Variants in FAM227B observed in about 807,000 individuals in gnomAD.
FAM227B encodes family with sequence similarity 227 member B.
Under a neutral mutation model 73.8 loss-of-function variants are expected in FAM227B, and 88 were observed. The ratio of observed to expected loss-of-function variants is 1.19; its 90% CI spans 1.00 to 1.42. The LOEUF is 1.42. FAM227B is among the 40% of genes most tolerant of loss of function. The pLI, the probability that FAM227B is intolerant of heterozygous loss-of-function variation, is 0.00. For missense variants in FAM227B, 632 were observed against 590.9 expected (o/e 1.07, Z -0.72); for synonymous variants, 210 against 190.5 (o/e 1.10, Z -0.84).
intron 10 of FAM227B, among the ~76,000 whole-genome samples, chr15:49,518,531 G>A (rs138895777): frequency 6.5e-4 from 99 of 152,194 alleles, no homozygotes; most frequent in African/African-American, 2.1e-3. Context: ...TGGGGAGGCC[G>A]CACAATCATG....
At chr15:49,536,072 C>CAAAAAAAAAAAAAAAAAAAAAAAAAA (rs59203003) in intron 10 of FAM227B, among the ~76,000 whole-genome samples, 5 of 114,012 alleles carry the variant, frequency 4.4e-5, no homozygotes, top group South Asian at 2.8e-4. Flanking sequence ...GGCAATCAGA[C>CAAAAAAAAAAAAAAAAAAAAAAAAAA]AAAAAAAAAA....
chr15:49,395,854 T>C (rs551287250), intron 11 of FAM227B: 10 of 441,908 alleles, frequency 2.3e-5, no homozygotes, highest in Admixed American at 5.1e-5. Flanking sequence ...ATTCAAAGGA[T>C]AGAATTGAAT....
chr15:49,616,332 A>G (rs528553975), intron 1 of FAM227B, among the ~76,000 whole-genome samples: 60 of 152,336 alleles, frequency 3.9e-4, no homozygotes, highest in African/African-American at 1.4e-3. Context: ...CAGATATTTT[A>G]TCTGTGAAAA....
intron 9 of FAM227B, among the ~76,000 whole-genome samples, chr15:49,545,337 T>C (rs1314062754): frequency 6.6e-6 from 1 of 152,216 alleles, no homozygotes; most frequent in African/African-American, 2.4e-5. Context: ...GTGGTATCGG[T>C]TGTAATGTTT....
chr15:49,337,648 T>G (rs1253489481), intron 13 of FAM227B, among the ~76,000 whole-genome samples: 1 of 151,672 alleles, frequency 6.6e-6, no homozygotes, highest in Non-Finnish European at 1.5e-5. Context: ...CTACATTAGG[T>G]ATTTCTCCTA....
At chr15:49,420,670 T>A in intron 11 of FAM227B, among the ~76,000 whole-genome samples, 1 of 152,194 alleles carries the variant, frequency 6.6e-6, no homozygotes, top group Non-Finnish European at 1.5e-5. Context: ...TGTTCCCTTC[T>A]ACTGATTATA....
intron 11 of FAM227B, chr15:49,424,596 A>T: frequency 5.2e-6 from 8 of 1,550,172 alleles, no homozygotes; most frequent in Non-Finnish European, 7.0e-6. Context: ...AAGTAATTTT[A>T]AGTACTGCTC....
chr15:49,393,417 C>G (rs2047351560), intron 11 of FAM227B, among the ~76,000 whole-genome samples: 1 of 152,126 alleles, frequency 6.6e-6, no homozygotes, highest in African/African-American at 2.4e-5. Context: ...GGAATGTTTA[C>G]TGTAAGTCAG....
intron 3 of FAM227B, among the ~76,000 whole-genome samples, chr15:49,591,627 AG>A (rs1261904790): frequency 6.6e-6 from 1 of 151,216 alleles, no homozygotes; most frequent in African/African-American, 2.4e-5. Context: ...CTGGGATTAC[AG>A]GCACGTGCCA....
intron 11 of FAM227B, chr15:49,486,846 G>A (rs2152035736): frequency 6.6e-6 from 1 of 151,794 alleles, no homozygotes; most frequent in East Asian, 1.9e-4. Flanking sequence ...ATTTGCTCTA[G>A]TTACACACCT....
In FAM227B at chr15:49,477,059, C is replaced by CAAA. The variant is rs1597445892; in HGVS notation, c.1012+31151_1012+31152insTTT. ...TGGGCGACAAAGCGAGACTCTGTCT[C>CAAA]GAAAAAAAAAAAAAAATTGAGCAGA... On this transcript the variant is annotated intron_variant, in intron 11 of 15. Coordinates refer to ENST00000299338, the MANE Select transcript of FAM227B (RefSeq NM_152647.3). Among the ~76,000 whole-genome samples, 6 of 83,698 alleles carry CAAA rather than the reference C, an allele frequency of 7.2e-5. No individual in the cohort carries two copies. The East Asian group carries it at 1.2e-3, about 17-fold the overall frequency. 54.9% of individuals were successfully genotyped at this position (83,698 alleles called of 152,430 possible).
chr15:49,360,500 T>C, intron 13 of FAM227B, among the ~76,000 whole-genome samples: 1 of 152,216 alleles, frequency 6.6e-6, no homozygotes, highest in Admixed American at 6.5e-5. Context: ...AAAAAAATTA[T>C]TAAATTTTTG....
At chr15:49,355,298 C>A (rs990947859) in intron 13 of FAM227B, among the ~76,000 whole-genome samples, 3 of 151,936 alleles carry the variant, frequency 2.0e-5, no homozygotes, top group Non-Finnish European at 4.4e-5. Flanking sequence ...CTCTGAGCTA[C>A]GGGAGGACAT....
intron 10 of FAM227B, among the ~76,000 whole-genome samples, chr15:49,522,736 A>T (rs1242263607): frequency 2.0e-5 from 3 of 152,152 alleles, no homozygotes; most frequent in African/African-American, 4.8e-5. Flanking sequence ...TACAAAAATT[A>T]AAAAAAGAAA....
chr15:49,461,105 A>C (rs1416063285), intron 11 of FAM227B, among the ~76,000 whole-genome samples: 2 of 152,098 alleles, frequency 1.3e-5, no homozygotes, highest in African/African-American at 4.8e-5. Context: ...TCCCTGACTT[A>C]AATATCTCTT....
At chr15:49,557,431 C>T (rs1047653868) in intron 9 of FAM227B, among the ~76,000 whole-genome samples, 1 of 152,152 alleles carries the variant, frequency 6.6e-6, no homozygotes, top group Non-Finnish European at 1.5e-5. Context: ...CTTAACTTTG[C>T]TGTTGCTTTC....
chr15:49,517,519 T>C (rs574403490), intron 10 of FAM227B, among the ~76,000 whole-genome samples: 1 of 152,118 alleles, frequency 6.6e-6, no homozygotes, highest in Non-Finnish European at 1.5e-5. Flanking sequence ...AAATCATTCA[T>C]GAGAATTAGA....
At chr15:49,372,087 T>TTATAAATCAATGAAATAAAATTCAC (rs1567172603) in intron 11 of FAM227B, among the ~76,000 whole-genome samples, 876 of 49,708 alleles carry the variant, frequency 0.018, 150 homozygotes, top group Middle Eastern at 0.062. Flanking sequence ...ATAAAATTCA[T>TTATAAATCAATGAAATAAAATTCAC]TTATAAATAA....
chr15:49,339,398 CAGGTCTGCTGT>C (rs2151207514), intron 13 of FAM227B, among the ~76,000 whole-genome samples: 1 of 152,286 alleles, frequency 6.6e-6, no homozygotes, highest in East Asian at 1.9e-4. Flanking sequence ...CCCTCTGCTG[CAGGTCTGCTGT>C]AGGTCCGCCC....
Sources: allele counts gnomAD v4.1 joint callset (sites outside exome capture counted in the v4.1 genomes callset), GRCh38; gene constraint gnomAD v4.1.1; transcripts MANE v1.5; gene names NCBI Gene and HGNC (gene_info 2026-07-23, HGNC 2026-07-21).